EDDM13: variants seen among roughly 807,000 people sequenced by gnomAD.
EDDM13 encodes epididymal protein 13.
Under a neutral mutation model 17.8 loss-of-function variants are expected in EDDM13, and 24 were observed. The observed-to-expected ratio is 1.35, with a 90% confidence interval of 0.98 to 1.90. The LOEUF is 1.90. Ranked by LOEUF, EDDM13 falls within the 40% of genes most tolerant of loss-of-function variation. The pLI is 0.00. For missense variants in EDDM13, 97 were observed against 100.8 expected (o/e 0.96, Z 0.16); for synonymous variants, 31 against 37.5 (o/e 0.83, Z 0.63).
chr19:56,304,434 G>A (rs2040550555), intron 13 of EDDM13, among the ~76,000 whole-genome samples: 1 of 152,212 alleles, frequency 6.6e-6, no homozygotes. Context: ...GGCATCCAGT[G>A]GGCAGAGGCC....
At chr19:56,281,131 G>A (rs759128013) in intron 2 of EDDM13, among the ~76,000 whole-genome samples, 4 of 152,158 alleles carry the variant, frequency 2.6e-5, no homozygotes, top group Non-Finnish European at 5.9e-5. Context: ...AAAAGAAAAT[G>A]TTATTAAGAA....
At chr19:56,286,910 T>C (rs2039167171) in intron 6 of EDDM13, among the ~76,000 whole-genome samples, 1 of 152,230 alleles carries the variant, frequency 6.6e-6, no homozygotes, top group African/African-American at 2.4e-5. Context: ...GGCTCCACTA[T>C]TTACCAGCAC....
At chr19:56,292,930 G>C (rs954140695) in intron 9 of EDDM13, among the ~76,000 whole-genome samples, 1 of 152,208 alleles carries the variant, frequency 6.6e-6, no homozygotes, top group Non-Finnish European at 1.5e-5. Flanking sequence ...ATACTCCATT[G>C]CATGGATAGA....
intron 2 of EDDM13, chr19:56,280,618 ATT>A (rs2147056189): frequency 6.6e-6 from 1 of 152,306 alleles, no homozygotes; most frequent in African/African-American, 2.4e-5. Context: ...ATGAATAGAA[ATT>A]TATTGGCTCA....
chr19:56,307,416 C>A (rs1451803961), intron 14 of EDDM13, among the ~76,000 whole-genome samples: 2 of 152,156 alleles, frequency 1.3e-5, no homozygotes, highest in African/African-American at 4.8e-5. Flanking sequence ...CTACTGAAAT[C>A]TTACATGGAA....
intron 8 of EDDM13, among the ~76,000 whole-genome samples, chr19:56,289,121 C>G (rs1174103030): frequency 6.6e-6 from 1 of 152,098 alleles, no homozygotes; most frequent in Non-Finnish European, 1.5e-5. Context: ...GGAAAGGGAG[C>G]CCTGGTTTGT....
At chr19:56,291,400 A>G (rs538063442) in intron 9 of EDDM13, among the ~76,000 whole-genome samples, 1 of 152,328 alleles carries the variant, frequency 6.6e-6, no homozygotes, top group Non-Finnish European at 1.5e-5. Context: ...GTCTCAAAGA[A>G]GCATCTCGAG....
chr19:56,299,285 C>G (rs2040078130), intron 12 of EDDM13, among the ~76,000 whole-genome samples: 2 of 151,928 alleles, frequency 1.3e-5, no homozygotes, highest in Admixed American at 6.6e-5. Context: ...GCACGAGACA[C>G]CACACCCAGC....
intron 3 of EDDM13, among the ~76,000 whole-genome samples, chr19:56,281,906 G>A (rs895188484): frequency 2.0e-5 from 3 of 152,196 alleles, no homozygotes; most frequent in Non-Finnish European, 4.4e-5. Flanking sequence ...ACTTTGAGGA[G>A]GCCAACAAGC....
At chr19:56,305,325 T>C (rs1257657844) in intron 14 of EDDM13, among the ~76,000 whole-genome samples, 1 of 152,210 alleles carries the variant, frequency 6.6e-6, no homozygotes, top group Non-Finnish European at 1.5e-5. Flanking sequence ...TTCATACACA[T>C]GGAATCATAC....
At chr19:56,285,141 C>A in intron 6 of EDDM13, 117 bp downstream of exon 6, 1 of 360,748 alleles carries the variant, frequency 2.8e-6, no homozygotes, top group Non-Finnish European at 3.9e-6. Flanking sequence ...CAGGTATTAT[C>A]CAAGCACATG....
chr19:56,304,752 C>T (rs938081835), intron 13 of EDDM13, 41 bp from the exon 14 acceptor site: 1 of 984,368 alleles, frequency 1.0e-6, no homozygotes, highest in Non-Finnish European at 1.2e-6. Context: ...CTCACCCCAA[C>T]TGTTTCTTTC....
intron 13 of EDDM13, among the ~76,000 whole-genome samples, chr19:56,302,468 C>T (rs2040323877): frequency 6.9e-6 from 1 of 145,832 alleles, no homozygotes; most frequent in Non-Finnish European, 1.5e-5. Flanking sequence ...CTGCTTCCTC[C>T]CTCCCTTCTT....
chr19:56,298,345 T>TA (rs1187669536), intron 12 of EDDM13: 4 of 151,722 alleles, frequency 2.6e-5, no homozygotes, highest in Non-Finnish European at 5.9e-5. Context: ...TGAAATGATA[T>TA]AAAAAATCTG....
intron 2 of EDDM13, among the ~76,000 whole-genome samples, 187 bp downstream of exon 2, chr19:56,276,296 A>G (rs2038246539): frequency 6.6e-6 from 1 of 152,180 alleles, no homozygotes; most frequent in Non-Finnish European, 1.5e-5. Flanking sequence ...GATGCTCACA[A>G]CTAAAAGAGC....
intron 12 of EDDM13, among the ~76,000 whole-genome samples, chr19:56,299,246 C>T (rs1275187051): frequency 2.0e-5 from 3 of 151,928 alleles, no homozygotes; most frequent in African/African-American, 7.3e-5. Context: ...ATCCTCCCCT[C>T]TACAGCCTCT....
At chr19:56,300,911 A>C (rs747478218) in intron 12 of EDDM13, among the ~76,000 whole-genome samples, 9 of 152,208 alleles carry the variant, frequency 5.9e-5, no homozygotes, top group Non-Finnish European at 1.2e-4. Flanking sequence ...GTTTGACATA[A>C]GAAAGCGACA....
chr19:56,290,001 T>C (rs867063560), intron 8 of EDDM13, among the ~76,000 whole-genome samples: 21 of 152,384 alleles, frequency 1.4e-4, no homozygotes, highest in Admixed American at 5.9e-4. Context: ...AACCTGCCTC[T>C]ATTATATAAC....
intron 1 of EDDM13, among the ~76,000 whole-genome samples, chr19:56,273,144 C>G (rs2037976645): frequency 6.6e-6 from 1 of 152,196 alleles, no homozygotes; most frequent in African/African-American, 2.4e-5. Context: ...GTTTCTATCA[C>G]TGATTCTGTG....
Sources: allele counts gnomAD v4.1 joint callset (sites outside exome capture counted in the v4.1 genomes callset), GRCh38; gene constraint gnomAD v4.1.1; transcripts MANE v1.5; gene names NCBI Gene and HGNC (gene_info 2026-07-23, HGNC 2026-07-21).